ZNF75A: variants seen among roughly 807,000 people sequenced by gnomAD.
ZNF75A encodes zinc finger protein 75A.
ZNF75A carries 36 observed loss-of-function variants against 46.3 expected under a neutral mutation model. That is an observed-to-expected ratio of 0.78 (90% CI 0.60 to 1.03). The LOEUF (loss-of-function observed/expected upper bound fraction) is 1.03. Among genes scored for constraint, ZNF75A ranks in the 50% least tolerant of loss-of-function variants. ZNF75A has a pLI of 0.00. For missense variants in ZNF75A, 595 were observed against 551.3 expected, an observed-to-expected ratio of 1.08 and a Z score of -0.79; for synonymous variants, 234 against 189.9, an observed-to-expected ratio of 1.23 and a Z score of -1.91.
intron 2 of ZNF75A, among the ~76,000 whole-genome samples, chr16:3,309,886 T>C (rs1015953906): frequency 8.6e-5 from 13 of 150,486 alleles, no homozygotes; most frequent in African/African-American, 3.2e-4. Context: ...GTGGGAGGAC[T>C]GCTTGAGACC....
downstream of ZNF75A, among the ~76,000 whole-genome samples, chr16:3,319,898 T>A (rs1961464472): frequency 6.6e-6 from 1 of 152,000 alleles, no homozygotes; most frequent in African/African-American, 2.4e-5. Context: ...ATCAAAGCAG[T>A]CCAGAACACT....
At position 3,308,745 on chromosome 16, in the gene ZNF75A, C is replaced by T. The variant is rs1356343268; in HGVS notation, c.317C>T (p.Thr106Ile). Residue 106 changes from threonine to isoleucine, a missense_variant, in exon 2 of 7, where the codon ACC becomes ATC. Coordinates refer to ENST00000669516, the MANE Select transcript of ZNF75A (RefSeq NM_001302109.2). ...FLTILPRETQTQMQKHHPQSI... is the reference protein window; with the variant it reads ...FLTILPRETQIQMQKHHPQSI... ...ACTATTCTGCCCAGGGAGACACAGA[C>T]CCAGATGCAGAAGCACCATCCACAG... 4 of 988,972 alleles carry T rather than the reference C, an allele frequency of 4.0e-6. No homozygotes were observed. The highest frequency in any genetic ancestry group is 4.8e-6 in the Non-Finnish European group (4 of 831,306). 61.3% of individuals were successfully genotyped at this position (988,972 alleles called of 1,614,324 possible).
chr16:3,306,983 G>C (rs1219588671), intron 1 of ZNF75A: 1 of 147,042 alleles, frequency 6.8e-6, no homozygotes, highest in Admixed American at 6.8e-5. Flanking sequence ...ATGGAATCTC[G>C]TTTTGCTGCC....
rs1960820451 is a variant in ZNF75A, at chr16:3,311,781, C to T, written c.437C>T (p.Ala146Val). Reference protein sequence around the residue: ...GVAVHELGKEAVLLGETAEAS... With the variant: ...GVAVHELGKEVVLLGETAEAS... ...GCAGTCCATGAGCTGGGAAAGGAGG[C>T]AGTGCTCTTGGGAGAAACAGCAGAG... Residue 146 changes from alanine (A) to valine (V), a missense_variant, in exon 3 of 7, where the codon GCA becomes GTA. Ala to Val is a moderately conservative substitution (Grantham distance 64). Coordinates refer to ENST00000669516, the MANE Select transcript of ZNF75A (RefSeq NM_001302109.2). 1.9e-6 allele frequency: 2 copies of T among 1,050,342 alleles called. No homozygotes were observed. The highest frequency in any genetic ancestry group is 2.3e-6 in the Non-Finnish European group (2 of 863,008). The allele number at this position is 1,050,342 out of a possible 1,614,324, so 65.1% of individuals were successfully genotyped here.
intron 5 of ZNF75A, among the ~76,000 whole-genome samples, chr16:3,314,077 CTT>C (rs1188667738): frequency 6.6e-6 from 1 of 152,012 alleles, no homozygotes; most frequent in Admixed American, 6.6e-5. Context: ...ATATATATAT[CTT>C]TTTATTAACT....
intron 5 of ZNF75A, among the ~76,000 whole-genome samples, chr16:3,315,691 G>A (rs546390514): frequency 8.1e-4 from 124 of 152,218 alleles, no homozygotes; most frequent in Admixed American, 1.5e-3. Context: ...CCCTGCCTTC[G>A]CTCTTGTCCT....
At chr16:3,320,157 T>C (rs528894783), downstream of ZNF75A, among the ~76,000 whole-genome samples, 41 of 152,284 alleles carry the variant, frequency 2.7e-4, no homozygotes, top group South Asian at 1.5e-3. Flanking sequence ...GCCATTCTCC[T>C]GCCTCAGCCT....
At chr16:3,308,117 G>A (rs1960427334) in intron 1 of ZNF75A, 196 bp from the exon 2 acceptor site, 1 of 152,192 alleles carries the variant, frequency 6.6e-6, no homozygotes, top group Non-Finnish European at 1.5e-5. Context: ...AAAAAAGACA[G>A]TTGTCCACTG....
rs1960939837 is a variant in ZNF75A, at chr16:3,313,168, C to T, written c.816C>T (p.Ile272=). The T allele has an allele frequency of 6.2e-7, 1 of 1,613,558 alleles. No individual in the cohort carries two copies. The highest frequency in any genetic ancestry group is 8.5e-7 in the Non-Finnish European group (1 of 1,179,792). The change falls in exon 5 of 7, where the codon ATC becomes ATT. Residue 272 remains isoleucine, a synonymous_variant. Coordinates refer to ENST00000669516, the MANE Select transcript of ZNF75A (RefSeq NM_001302109.2). Reference sequence around the variant, plus strand: ...TGCAGGAAAACTATGAGACTGTCATCTCTCTAGGTAAAGATTTTCCCTTCC... The same window carrying T: ...TGCAGGAAAACTATGAGACTGTCATTTCTCTAGGTAAAGATTTTCCCTTCC... ...DVMQENYETV[I]SLALFVLPKP...
rs190218984 is a variant in ZNF75A at position 3,315,341 on chromosome 16, G to A, written c.824-1571G>A. Among the ~76,000 whole-genome samples, 157 of 151,982 alleles carry A rather than the reference G, an allele frequency of 1.0e-3. 1 individual carries two copies. Among genetic ancestry groups the A allele is most frequent in the Non-Finnish European group, 1.3e-3 (91 of 67,974 alleles). On this transcript the variant is annotated intron_variant, in intron 5 of 6. Transcript: ENST00000669516. The stretch of plus-strand genomic sequence containing the variant: ...CAAGTAGCTGAGACTACAGGTGCCC[G>A]CCACCATGCCCAGCTAATTTTTTTT...
intron 5 of ZNF75A, 113 bp downstream of exon 5, chr16:3,313,288 G>A (rs1488494586): frequency 1.8e-6 from 2 of 1,087,182 alleles, no homozygotes; most frequent in Admixed American, 2.4e-5. Flanking sequence ...TTCTCATCTA[G>A]ATGGTATAGG....
At position 3,318,210 on chromosome 16, in the gene ZNF75A, A is replaced by G; in HGVS notation, c.*341A>G. 2 of 1,023,832 alleles carry G rather than the reference A, an allele frequency of 2.0e-6. No homozygotes were observed. The highest frequency in any genetic ancestry group is 2.3e-6 in the Non-Finnish European group (2 of 855,518). 63.4% of individuals were successfully genotyped at this position (1,023,832 alleles called of 1,614,324 possible). ...CACAGTAGCAGGCTTACCAATTTCC[A>G]TAGTCTCATGAGGCCGAAATGAATT... is the stretch of plus-strand genomic sequence containing the variant. On this transcript the variant is annotated 3_prime_UTR_variant, in exon 7 of 7. Coordinates refer to ENST00000669516, the MANE Select transcript of ZNF75A (RefSeq NM_001302109.2).
At chr16:3,307,959 A>C (rs949430446) in intron 1 of ZNF75A, 5 of 152,192 alleles carry the variant, frequency 3.3e-5, no homozygotes, top group African/African-American at 7.2e-5. Context: ...ATGTTTTCCT[A>C]ATCTTATTTT....
downstream of ZNF75A, chr16:3,322,902 C>G (rs1253698266): frequency 2.0e-6 from 2 of 985,182 alleles, no homozygotes; most frequent in Admixed American, 1.2e-4. Flanking sequence ...CATTCACCAA[C>G]ATTAAACCCT....
rs759542167 is a variant in ZNF75A, at chr16:3,317,776, C to G, written c.1521C>G (p.Thr507=). 3.1e-6 allele frequency: 5 copies of G among 1,614,154 alleles called. No homozygotes were observed. The South Asian group carries it at 3.3e-5, about 11-fold the overall frequency. Reference sequence around the variant, plus strand: ...CCCACCTTATTAAACACCGGAGAACCCACACAGGTGAGCAGCCATATACTT... The same window carrying G: ...CCCACCTTATTAAACACCGGAGAACGCACACAGGTGAGCAGCCATATACTT... ...QNSHLIKHRR[T]HTGEQPYTCS... The change falls in exon 7 of 7, where the codon ACC becomes ACG. Residue 507 remains threonine (T), a synonymous_variant. Coordinates refer to ENST00000669516, the MANE Select transcript of ZNF75A (RefSeq NM_001302109.2).
chr16:3,312,679 G>C lies in ZNF75A; in HGVS notation c.607G>C (p.Val203Leu). The C allele has an allele frequency of 9.9e-7, 1 of 1,007,886 alleles. No individual in the cohort carries two copies. The highest frequency in any genetic ancestry group is 1.2e-6 in the Non-Finnish European group (1 of 842,708). The allele number at this position is 1,007,886 out of a possible 1,614,324, so 62.4% of individuals were successfully genotyped here. A position where few individuals can be genotyped will look rare whatever the true frequency, so the allele number is the denominator to read the frequency against. ...TTCTGGCTCTTTTCCCCCCACAGCT[G>C]TGCCTACTCAACAGATTCTAGCTTT... is the stretch of plus-strand genomic sequence containing the variant. ...KETEPVYERAVPTQQILAFPE... is the reference protein window; with the variant it reads ...KETEPVYERALPTQQILAFPE... The change falls in exon 4 of 7, where the codon GTG becomes CTG. Residue 203 changes from valine to leucine, a missense_variant and splice_region_variant. By Grantham distance (32) the Val-to-Leu change is conservative. Coordinates refer to ENST00000669516, the MANE Select transcript of ZNF75A (RefSeq NM_001302109.2).
At chr16:3,319,238 A>G (rs1370073250), downstream of ZNF75A, among the ~76,000 whole-genome samples, 1 of 151,866 alleles carries the variant, frequency 6.6e-6, no homozygotes, top group African/African-American at 2.4e-5. Flanking sequence ...CTCAGCCTCC[A>G]GAGTAGCTGG....
chr16:3,314,588 C>T (rs867978193), intron 5 of ZNF75A, among the ~76,000 whole-genome samples: 1 of 152,226 alleles, frequency 6.6e-6, no homozygotes, highest in East Asian at 1.9e-4. Context: ...TCCCTTGGCT[C>T]CTTTTCTTCT....
rs927228835 is a variant in ZNF75A at position 3,312,662 on chromosome 16, C to G, written c.605-15C>G. 7 of 992,748 alleles carry G rather than the reference C, an allele frequency of 7.1e-6. No individual in the cohort carries two copies. The highest frequency in any genetic ancestry group is 1.7e-5 in the African/African-American group (1 of 57,352). The allele number at this position is 992,748 out of a possible 1,614,324, so 61.5% of individuals were successfully genotyped here. ...TAGATAAAAGAGATTTCTTCTGGCTCTTTTCCCCCCACAGCTGTGCCTACT... is the reference window on the plus strand; with the variant it reads ...TAGATAAAAGAGATTTCTTCTGGCTGTTTTCCCCCCACAGCTGTGCCTACT... On this transcript the variant is annotated splice_polypyrimidine_tract_variant and intron_variant, in intron 3 of 6. Transcript: ENST00000669516.
Sources: gnomAD v4.1 joint callset for allele counts (sites outside exome capture counted in the v4.1 genomes callset) on GRCh38, gnomAD v4.1.1 for gene constraint, MANE v1.5 for transcripts, NCBI Gene and HGNC (gene_info 2026-07-23, HGNC 2026-07-21) for gene names.